The following LIMCH1 variants were observed in gnomAD, a reference collection of about 807,000 sequenced individuals.
LIMCH1 encodes LIM and calponin homology domains 1, also known as LIM and calponin homology domains-containing protein 1.
Under a neutral mutation model 176.5 loss-of-function variants are expected in LIMCH1, and 113 were observed. The ratio of observed to expected loss-of-function variants is 0.64; its 90% confidence interval spans 0.55 to 0.75. The LOEUF is 0.75. Ranked by LOEUF, LIMCH1 falls within the 30% of genes least tolerant of loss-of-function variation. LIMCH1 has a pLI of 0.00. For synonymous variants in LIMCH1, 619 were observed against 645.9 expected (o/e 0.96, Z 0.63); for missense variants, 1,674 against 1,814.9 (o/e 0.92, Z 1.41).
chr4:41,679,153 A>G (rs1024110252), intron 23 of LIMCH1, among the ~76,000 whole-genome samples: 3 of 152,212 alleles, frequency 2.0e-5, no homozygotes, highest in Non-Finnish European at 4.4e-5. Flanking sequence ...GAGAGGATTG[A>G]CAATAGTCAG....
Position 41,650,534 on chromosome 4 carries a change from C to T in LIMCH1, c.2962C>T (p.Leu988=), listed in dbSNP as rs1182787143. 6.2e-7 allele frequency: 1 copy of T among 1,614,090 alleles called. No individual in the cohort carries two copies. The highest frequency in any genetic ancestry group is 1.1e-5 in the South Asian group (1 of 91,078). ...EGVARVHGSP[L]ELKQDNGSIE... is the part of the protein sequence containing the mutation. Reference sequence around the variant, plus strand: ...TGTGGCCAGAGTGCACGGGTCTCCACTGGAGCTGAAACAAGACAACGGTAG... The same window carrying T: ...TGTGGCCAGAGTGCACGGGTCTCCATTGGAGCTGAAACAAGACAACGGTAG... Residue 988 remains leucine (L), a synonymous_variant, in exon 18 of 32, where the codon CTG becomes TTG. Transcript: ENST00000503057.
intron 2 of LIMCH1, among the ~76,000 whole-genome samples, chr4:41,505,561 T>G (rs2074043003): frequency 6.6e-6 from 1 of 152,174 alleles, no homozygotes; most frequent in African/African-American, 2.4e-5. Context: ...TGATGTCATT[T>G]TCTCCCATCC....
intron 1 of LIMCH1, among the ~76,000 whole-genome samples, chr4:41,370,079 C>A (rs1010095111): frequency 6.6e-6 from 1 of 152,102 alleles, no homozygotes; most frequent in African/African-American, 2.4e-5. Flanking sequence ...AGGGTGCTAA[C>A]CCTCCCCTCA....
chr4:41,574,517 G>C (rs778987611), intron 1 of LIMCH1, among the ~76,000 whole-genome samples: 6 of 151,780 alleles, frequency 4.0e-5, no homozygotes, highest in Admixed American at 6.6e-5. Context: ...TCAAACTCTT[G>C]ACCTCAGGTG....
chr4:41,694,468 A>G (rs551496193), intron 31 of LIMCH1, among the ~76,000 whole-genome samples: 1 of 152,304 alleles, frequency 6.6e-6, no homozygotes, highest in South Asian at 2.1e-4. Context: ...TTTATTTCAC[A>G]TAGGTGATGA....
intron 1 of LIMCH1, among the ~76,000 whole-genome samples, chr4:41,468,993 G>C (rs2066558031): frequency 6.6e-6 from 1 of 152,162 alleles, no homozygotes; most frequent in African/African-American, 2.4e-5. Context: ...ACTCATCAGA[G>C]GACTTGTTGT....
chr4:41,413,457 G>C (rs917926109), intron 1 of LIMCH1, among the ~76,000 whole-genome samples: 2 of 151,338 alleles, frequency 1.3e-5, no homozygotes, highest in Non-Finnish European at 2.9e-5. Flanking sequence ...AGCCTCCTGA[G>C]TAGCTAGGAT....
rs1229120967 is a variant in LIMCH1 at position 41,620,430 on chromosome 4, T to C, written c.465T>C (p.Pro155=). Residue 155 remains proline, a synonymous_variant, in exon 7 of 32, where the codon CCT becomes CCC. Coordinates refer to ENST00000503057, the MANE Select transcript of LIMCH1 (RefSeq NM_001330672.2). ...ATATTGTCCAACTCACTAGCTTTCC[T>C]GAAACGATAGAGGAAGAGGGGAGTG... is the stretch of plus-strand genomic sequence containing the variant. ...PLGGERPFSF[P]ETIEEEGSEV... The C allele has an allele frequency of 6.5e-7, 1 of 1,535,758 alleles. No individual in the cohort carries two copies. Among genetic ancestry groups the C allele is most frequent in the East Asian group, 2.4e-5 (1 of 40,922 alleles).
At chr4:41,574,171 G>A (rs2152632879) in intron 1 of LIMCH1, among the ~76,000 whole-genome samples, 1 of 150,882 alleles carries the variant, frequency 6.6e-6, no homozygotes, top group East Asian at 2.0e-4. Context: ...GTCTCAGAAA[G>A]ATAAAATGTG....
chr4:41,527,364 G>T (rs1561639132), intron 3 of LIMCH1, among the ~76,000 whole-genome samples: 1 of 152,142 alleles, frequency 6.6e-6, no homozygotes, highest in Non-Finnish European at 1.5e-5. Context: ...TAAGTAGTTG[G>T]CCATGATCAA....
chr4:41,561,441 G>C (rs1023839301), intron 1 of LIMCH1, among the ~76,000 whole-genome samples: 2 of 152,132 alleles, frequency 1.3e-5, no homozygotes, highest in Non-Finnish European at 2.9e-5. Flanking sequence ...AAAGTTCTTT[G>C]AGCATGGCGA....
At chr4:41,420,190 T>A (rs2060491961) in intron 1 of LIMCH1, among the ~76,000 whole-genome samples, 1 of 152,092 alleles carries the variant, frequency 6.6e-6, no homozygotes, top group African/African-American at 2.4e-5. Flanking sequence ...CGTGTGTCAG[T>A]GGTGGCAGGT....
chr4:41,605,178 C>T (rs1047889251), intron 3 of LIMCH1, among the ~76,000 whole-genome samples: 1 of 152,104 alleles, frequency 6.6e-6, no homozygotes, highest in Non-Finnish European at 1.5e-5. Flanking sequence ...AACTTGGGAC[C>T]GTAGCTTCAG....
chr4:41,569,705 A>G (rs1361600075), intron 1 of LIMCH1, among the ~76,000 whole-genome samples: 1 of 152,218 alleles, frequency 6.6e-6, no homozygotes, highest in Non-Finnish European at 1.5e-5. Context: ...AAAGTAGTCA[A>G]GTCAAGGACC....
chr4:41,648,194 A>C (rs1257053266), intron 17 of LIMCH1, among the ~76,000 whole-genome samples: 1 of 152,208 alleles, frequency 6.6e-6, no homozygotes, highest in Non-Finnish European at 1.5e-5. Flanking sequence ...GTGGCCCAGA[A>C]TAGGATAGAG....
At chr4:41,636,340 C>T (rs1480688161) in intron 13 of LIMCH1, among the ~76,000 whole-genome samples, 3 of 104,920 alleles carry the variant, frequency 2.9e-5, no homozygotes, top group Non-Finnish European at 3.8e-5. Flanking sequence ...TGCTTTATTA[C>T]TTTTTTTTTT....
intron 1 of LIMCH1, among the ~76,000 whole-genome samples, chr4:41,589,885 C>T (rs1187382332): frequency 6.6e-6 from 1 of 152,084 alleles, no homozygotes; most frequent in African/African-American, 2.4e-5. Flanking sequence ...ATAGAGTGCT[C>T]CCAGTTTATT....
chr4:41,638,818 T>C, intron 13 of LIMCH1, 114 bp from the exon 14 acceptor site: 1 of 822,620 alleles, frequency 1.2e-6, no homozygotes, highest in Non-Finnish European at 2.1e-6. Context: ...TTTCAGTATC[T>C]CAGCAAAAAA....
At position 41,648,658 on chromosome 4, in the gene LIMCH1, G is replaced by GGTGTGTGTGTGTGTGT. The variant is rs71650941; in HGVS notation, c.2821-1708_2821-1693dup. Among the ~76,000 whole-genome samples, 362 of 135,392 alleles carry GGTGTGTGTGTGTGTGT rather than the reference G, an allele frequency of 2.7e-3. 3 individuals are homozygous for GGTGTGTGTGTGTGTGT. The highest frequency in any genetic ancestry group is 7.4e-3 in the African/African-American group (262 of 35,618). 88.8% of individuals were successfully genotyped at this position (135,392 alleles called of 152,430 possible). A position where few individuals can be genotyped will look rare whatever the true frequency, so the allele number is the denominator to read the frequency against. On this transcript the variant is annotated intron_variant, in intron 17 of 31. Coordinates refer to ENST00000503057, the MANE Select transcript of LIMCH1 (RefSeq NM_001330672.2). Reference sequence around the variant, plus strand: ...GCCAGGACAGAAGCTAAGGGGTAGGGGTGTGTGTGTGTGTGTGTGTGTGTG... The same window carrying GGTGTGTGTGTGTGTGT: ...GCCAGGACAGAAGCTAAGGGGTAGGGGTGTGTGTGTGTGTGTGTGTGTGTGTGTGTGTGTGTGTGTG...
Sources: gnomAD v4.1 joint callset for allele counts (sites outside exome capture counted in the v4.1 genomes callset) on GRCh38, gnomAD v4.1.1 for gene constraint, MANE v1.5 for transcripts, NCBI Gene and HGNC (gene_info 2026-07-23, HGNC 2026-07-21) for gene names.